Variants in DCAF5 observed in about 807,000 individuals in gnomAD.
DCAF5 encodes DDB1- and CUL4-associated factor 5.
Under a neutral mutation model 80.7 loss-of-function variants are expected in DCAF5, and 9 were observed. The observed-to-expected ratio is 0.11, with a 90% CI of 0.07 to 0.19. The LOEUF is 0.19. Among genes scored for constraint, DCAF5 ranks in the 10% least tolerant of loss-of-function variants. The pLI, the probability that DCAF5 is intolerant of heterozygous loss-of-function variation, is 1.00. For synonymous variants in DCAF5, 433 were observed against 461.9 expected (o/e 0.94, Z 0.80); for missense variants, 842 against 1,205.7 (o/e 0.70, Z 4.47).
At chr14:69,079,944 G>A (rs117823369) in intron 6 of DCAF5, among the ~76,000 whole-genome samples, 4,158 of 152,176 alleles carry the variant, frequency 0.027, 59 homozygotes, top group Middle Eastern at 0.037. Flanking sequence ...GTTAGTTTCC[G>A]TTTTACAGAG....
intron 8 of DCAF5, among the ~76,000 whole-genome samples, chr14:69,062,048 T>C (rs1204003816): frequency 2.0e-5 from 3 of 152,058 alleles, no homozygotes; most frequent in South Asian, 4.1e-4. Context: ...TAAATCACCT[T>C]TCTTTCTTCT....
At chr14:69,064,796 G>A (rs2038367023) in intron 7 of DCAF5, among the ~76,000 whole-genome samples, 1 of 152,188 alleles carries the variant, frequency 6.6e-6, no homozygotes, top group South Asian at 2.1e-4. Context: ...ACCTACTCTT[G>A]CATACCTAGA....
intron 5 of DCAF5, among the ~76,000 whole-genome samples, chr14:69,106,973 T>G (rs1003128960): frequency 2.6e-5 from 4 of 152,016 alleles, no homozygotes; most frequent in South Asian, 2.1e-4. Flanking sequence ...ACCCAAGAGG[T>G]GGAAGCTGCA....
intron 1 of DCAF5, among the ~76,000 whole-genome samples, chr14:69,125,057 T>A (rs2040833772): frequency 1.3e-5 from 2 of 152,194 alleles, no homozygotes; most frequent in Admixed American, 1.3e-4. Context: ...TAAAGCCAAG[T>A]ACAAAAGAGT....
chr14:69,068,226 C>A (rs2038540552), intron 7 of DCAF5, among the ~76,000 whole-genome samples: 1 of 152,158 alleles, frequency 6.6e-6, no homozygotes, highest in East Asian at 1.9e-4. Context: ...TTCAGTGGCC[C>A]ATAGAGCTTT....
intron 1 of DCAF5, among the ~76,000 whole-genome samples, chr14:69,136,113 CTT>C (rs35359938): frequency 2.1e-4 from 26 of 125,250 alleles, no homozygotes; most frequent in Non-Finnish European, 1.9e-4. Flanking sequence ...ATGTGTAAAA[CTT>C]TTTTTTTTTT....
chr14:69,059,326 G>T (rs2038110621), intron 8 of DCAF5, among the ~76,000 whole-genome samples: 1 of 152,174 alleles, frequency 6.6e-6, no homozygotes, highest in Non-Finnish European at 1.5e-5. Flanking sequence ...TAGCCAGGAA[G>T]GTGGCAGTAA....
chr14:69,074,773 C>G (rs1295177944), intron 7 of DCAF5, among the ~76,000 whole-genome samples: 1 of 152,058 alleles, frequency 6.6e-6, no homozygotes, highest in African/African-American at 2.4e-5. Context: ...GTGGCTCACA[C>G]CTGTAATGCC....
intron 5 of DCAF5, among the ~76,000 whole-genome samples, chr14:69,096,263 C>A (rs916542385): frequency 6.6e-6 from 1 of 152,188 alleles, no homozygotes; most frequent in African/African-American, 2.4e-5. Context: ...ATGCACTCCT[C>A]AGTCCCAAGA....
intron 6 of DCAF5, chr14:69,091,250 G>A (rs2039523443): frequency 1.5e-6 from 1 of 689,336 alleles, no homozygotes; most frequent in East Asian, 2.7e-5. Flanking sequence ...CATCCCAAGA[G>A]GCCATTCAAG....
chr14:69,081,290 G>A (rs776727396), intron 6 of DCAF5, among the ~76,000 whole-genome samples: 2 of 152,112 alleles, frequency 1.3e-5, no homozygotes, highest in South Asian at 2.1e-4. Flanking sequence ...TTAGATCAGC[G>A]TGGAAGATAT....
chr14:69,073,591 A>C (rs2038784943), intron 7 of DCAF5, among the ~76,000 whole-genome samples: 1 of 152,052 alleles, frequency 6.6e-6, no homozygotes, highest in African/African-American at 2.4e-5. Context: ...GTTTGAGGCT[A>C]CAGTGAACCA....
chr14:69,107,548 G>A (rs1406051565), intron 5 of DCAF5, among the ~76,000 whole-genome samples: 1 of 152,148 alleles, frequency 6.6e-6, no homozygotes, highest in East Asian at 1.9e-4. Flanking sequence ...TAGGAAACCA[G>A]TGACCTGGTG....
At chr14:69,128,067 T>C (rs964175019) in intron 1 of DCAF5, among the ~76,000 whole-genome samples, 3 of 152,330 alleles carry the variant, frequency 2.0e-5, no homozygotes, top group Non-Finnish European at 2.9e-5. Context: ...GGAGTATGTC[T>C]GGAATTTCCT....
chr14:69,137,686 C>T (rs2041237110), intron 1 of DCAF5, among the ~76,000 whole-genome samples: 1 of 152,190 alleles, frequency 6.6e-6, no homozygotes, highest in African/African-American at 2.4e-5. Flanking sequence ...AACACTCAAA[C>T]TTCACTTGTT....
intron 5 of DCAF5, among the ~76,000 whole-genome samples, chr14:69,110,616 C>G (rs1005045051): frequency 7.2e-5 from 11 of 152,036 alleles, no homozygotes; most frequent in African/African-American, 2.7e-4. Flanking sequence ...TGGCTCACAT[C>G]TGTAATCCTA....
At chr14:69,143,740 A>ATTTC (rs2041449287) in intron 1 of DCAF5, 1 of 152,432 alleles carries the variant, frequency 6.6e-6, no homozygotes, top group Admixed American at 6.5e-5. Flanking sequence ...TAAAACTGAA[A>ATTTC]AGAACAAAAA....
intron 6 of DCAF5, among the ~76,000 whole-genome samples, chr14:69,079,027 T>C (rs1219768328): frequency 6.6e-6 from 1 of 152,300 alleles, no homozygotes; most frequent in East Asian, 1.9e-4. Flanking sequence ...CATTTCCTGT[T>C]ACGTTACACG....
At chr14:69,133,554 C>G (rs2331920) in intron 1 of DCAF5, among the ~76,000 whole-genome samples, 57,575 of 151,806 alleles carry the variant, frequency 0.38, 12,110 homozygotes, top group East Asian at 0.9. Flanking sequence ...AGGGAAGAGG[C>G]GGGGGTACAG....
Sources: gnomAD v4.1 joint callset for allele counts (sites outside exome capture counted in the v4.1 genomes callset) on GRCh38, gnomAD v4.1.1 for gene constraint, MANE v1.5 for transcripts, NCBI Gene and HGNC (gene_info 2026-07-23, HGNC 2026-07-21) for gene names.